Variants in GPHN observed in about 807,000 individuals in gnomAD.
GPHN encodes gephyrin.
Under a neutral mutation model 95.5 loss-of-function variants are expected in GPHN, and 17 were observed. That is an observed-to-expected ratio of 0.18 (90% CI 0.12 to 0.27). The LOEUF (loss-of-function observed/expected upper bound fraction) is 0.27. Ranked by LOEUF, GPHN falls within the 10% of genes least tolerant of loss-of-function variation. GPHN has a pLI of 1.00. For missense variants in GPHN, 660 were observed against 978.1 expected (o/e 0.67, Z 4.34); for synonymous variants, 320 against 322.5 (o/e 0.99, Z 0.08).
At chr14:67,464,891 A>C in the GPHN span, among the ~76,000 whole-genome samples, 1 of 152,170 alleles carries the variant, frequency 6.6e-6, no homozygotes, top group South Asian at 2.1e-4. Flanking sequence ...TAAATCAGAC[A>C]CAGAAATATT....
chr14:66,527,970 T>A (rs1198870180), intron 1 of GPHN, among the ~76,000 whole-genome samples: 1 of 152,172 alleles, frequency 6.6e-6, no homozygotes, highest in Non-Finnish European at 1.5e-5. Context: ...GTTCTGAAGA[T>A]GTCTATTAGG....
chr14:66,999,342 A>G (rs1467516875), intron 9 of GPHN, among the ~76,000 whole-genome samples: 28 of 151,988 alleles, frequency 1.8e-4, no homozygotes, highest in Admixed American at 1.8e-3. Context: ...CAGGTTGATT[A>G]CATAGTTTGG....
the GPHN span, chr14:67,301,870 T>A: frequency 7.9e-7 from 1 of 1,265,950 alleles, no homozygotes; most frequent in Non-Finnish European, 1.1e-6. Flanking sequence ...TATAACACTT[T>A]TAAAGATTTA....
At chr14:66,681,669 T>C (rs563411650) in intron 2 of GPHN, among the ~76,000 whole-genome samples, 8 of 152,280 alleles carry the variant, frequency 5.3e-5, no homozygotes, top group African/African-American at 1.9e-4. Flanking sequence ...TTGATAGATT[T>C]CAGTTTTTAA....
At chr14:66,547,612 G>A (rs2059649242) in intron 1 of GPHN, among the ~76,000 whole-genome samples, 1 of 152,172 alleles carries the variant, frequency 6.6e-6, no homozygotes, top group Admixed American at 6.5e-5. Context: ...TGTTATGCCA[G>A]TATTATAATG....
rs1392417631 is a variant in GPHN, at chr14:66,845,837, G to GTGTA, written c.294+21274_294+21275insATGT. On this transcript the variant is annotated intron_variant, in intron 4 of 22. Transcript: ENST00000478722. The stretch of plus-strand genomic sequence containing the variant: ...CATGCCTCTGTGTGTGTGTGTGTGT[G>GTGTA]TGTGTGTGTGTGTGTGTGTGTGTCT... Among the ~76,000 whole-genome samples the GTGTA allele has an allele frequency of 4.6e-5, 7 of 151,530 alleles. 1 individual carries two copies. Among genetic ancestry groups the GTGTA allele is most frequent in the Admixed American group, 2.6e-4 (4 of 15,216 alleles).
the GPHN span, among the ~76,000 whole-genome samples, chr14:67,239,746 C>G: frequency 2.0e-5 from 3 of 152,252 alleles, no homozygotes; most frequent in Non-Finnish European, 2.9e-5. Flanking sequence ...ATCCCAGATA[C>G]TGGGGAGGCT....
At chr14:67,295,172 A>T in the GPHN span, among the ~76,000 whole-genome samples, 4 of 150,142 alleles carry the variant, frequency 2.7e-5, no homozygotes, top group Admixed American at 2.7e-4. Context: ...TATATAAAGA[A>T]CTCTTGTTGG....
the GPHN span, among the ~76,000 whole-genome samples, chr14:67,519,472 A>G: frequency 3.3e-5 from 5 of 152,136 alleles, no homozygotes; most frequent in African/African-American, 1.2e-4. Context: ...TAAAGAGTCA[A>G]ATTTGCCTAA....
chr14:66,522,200 A>G (rs1469685279), intron 1 of GPHN, among the ~76,000 whole-genome samples: 2 of 152,140 alleles, frequency 1.3e-5, no homozygotes, highest in Admixed American at 6.6e-5. Context: ...CTCTAAAGAC[A>G]TTTTAGAATA....
At chr14:66,628,471 A>C (rs1483833551) in intron 1 of GPHN, among the ~76,000 whole-genome samples, 1 of 152,118 alleles carries the variant, frequency 6.6e-6, no homozygotes, top group Non-Finnish European at 1.5e-5. Context: ...AAAATGCTGT[A>C]AATATGTGGT....
intron 1 of GPHN, among the ~76,000 whole-genome samples, chr14:66,610,124 G>A (rs555052036): frequency 1.6e-4 from 24 of 152,156 alleles, no homozygotes; most frequent in African/African-American, 5.5e-4. Flanking sequence ...GTTTTCAGAG[G>A]GCCAAGACTC....
At chr14:67,307,820 T>C in the GPHN span, among the ~76,000 whole-genome samples, 1 of 152,166 alleles carries the variant, frequency 6.6e-6, no homozygotes, top group South Asian at 2.1e-4. Context: ...AGCAGAGATG[T>C]GGAATCAACC....
intron 1 of GPHN, among the ~76,000 whole-genome samples, chr14:66,566,080 T>A (rs2060451373): frequency 6.6e-6 from 1 of 152,038 alleles, no homozygotes; most frequent in Admixed American, 6.6e-5. Context: ...GTGATGATAA[T>A]TTTAGCACTT....
chr14:67,657,700 C>T, the GPHN span, among the ~76,000 whole-genome samples: 2 of 151,858 alleles, frequency 1.3e-5, no homozygotes, highest in Non-Finnish European at 2.9e-5. Context: ...CATCAAGGAG[C>T]CAAAAGATTG....
At chr14:67,642,451 G>T in the GPHN span, 1 of 1,430,904 alleles carries the variant, frequency 7.0e-7, no homozygotes, top group East Asian at 2.4e-5. Context: ...TCTTCATCTG[G>T]AGAAAAATAC....
chr14:67,555,822 C>G, the GPHN span: 3 of 1,613,028 alleles, frequency 1.9e-6, no homozygotes, highest in Non-Finnish European at 2.5e-6. Flanking sequence ...TCTGGCCAAG[C>G]AGATGCAGGA....
chr14:66,551,079 G>A (rs1387561118), intron 1 of GPHN: 5 of 156,416 alleles, frequency 3.2e-5, no homozygotes, highest in East Asian at 1.9e-4. Flanking sequence ...GGATGGTCTC[G>A]ATCTCCTGAC....
chr14:67,569,045 A>C, the GPHN span: 12 of 826,708 alleles, frequency 1.5e-5, no homozygotes, highest in East Asian at 1.0e-4. Context: ...AGGTCTGCCC[A>C]CCCCCAAAGC....
Sources: allele counts gnomAD v4.1 joint callset (sites outside exome capture counted in the v4.1 genomes callset), GRCh38; gene constraint gnomAD v4.1.1; transcripts MANE v1.5; gene names NCBI Gene and HGNC (gene_info 2026-07-23, HGNC 2026-07-21).